The following CPM variants were observed in gnomAD, a reference collection of about 807,000 sequenced individuals.
CPM encodes the protein carboxypeptidase M.
In CPM, 35 loss-of-function variants were observed where a neutral mutation model predicts 46.4. The ratio of observed to expected loss-of-function variants is 0.75; its 90% CI spans 0.58 to 1.00. The LOEUF (loss-of-function observed/expected upper bound fraction) is 1.00, where lower values mean the gene tolerates loss of function less well. CPM is among the 50% of genes least tolerant of loss of function. The probability of loss-of-function intolerance (pLI) is 0.00; values close to 1 mark genes in which losing one functional copy is unlikely to be tolerated. For synonymous variants in CPM, 195 were observed against 195.3 expected (o/e 1.00, Z 0.01); for missense variants, 422 against 530.4 (o/e 0.80, Z 2.01).
intron 2 of CPM, among the ~76,000 whole-genome samples, chr12:68,894,574 T>C (rs540545852): frequency 6.6e-6 from 1 of 152,194 alleles, no homozygotes; most frequent in Non-Finnish European, 1.5e-5. Flanking sequence ...ATGGCTTCAT[T>C]GGATTTTCTG....
chr12:68,900,283 CAT>C (rs1465712626), intron 2 of CPM, among the ~76,000 whole-genome samples: 3 of 152,136 alleles, frequency 2.0e-5, no homozygotes, highest in African/African-American at 7.2e-5. Flanking sequence ...AAGATGTCAT[CAT>C]ATGTCACATC....
intron 2 of CPM, among the ~76,000 whole-genome samples, chr12:68,924,752 G>A (rs1888187947): frequency 1.3e-5 from 2 of 152,164 alleles, no homozygotes; most frequent in South Asian, 4.1e-4. Context: ...GGTTTTACGA[G>A]CATATTTGGG....
At chr12:68,935,726 T>C (rs1888663745), upstream of CPM, among the ~76,000 whole-genome samples, 2 of 152,130 alleles carry the variant, frequency 1.3e-5, no homozygotes, top group African/African-American at 4.8e-5. Context: ...TTGTTGTTCA[T>C]TGACTAAGAG....
intron 2 of CPM, among the ~76,000 whole-genome samples, chr12:68,893,233 T>G (rs1886731357): frequency 6.6e-6 from 1 of 151,496 alleles, no homozygotes; most frequent in African/African-American, 2.4e-5. Context: ...ATACACACCC[T>G]GTCTCTGGGA....
intron 6 of CPM, among the ~76,000 whole-genome samples, chr12:68,867,524 T>C (rs1004442226): frequency 1.2e-4 from 18 of 152,218 alleles, no homozygotes; most frequent in Non-Finnish European, 2.6e-4. Context: ...CCAGGTACCA[T>C]ATGAAGTGCT....
chr12:68,909,600 T>C (rs1476293098), intron 2 of CPM, among the ~76,000 whole-genome samples: 1 of 152,056 alleles, frequency 6.6e-6, no homozygotes, highest in Non-Finnish European at 1.5e-5. Flanking sequence ...TGTCCATCAA[T>C]GATAGACTGG....
rs1390976913 is a variant in CPM at position 68,851,535 on chromosome 12, C to CG, written c.*4901dup. On this transcript the variant is annotated 3_prime_UTR_variant, in exon 9 of 9. Coordinates refer to ENST00000551568, the MANE Select transcript of CPM (RefSeq NM_198320.5). ...CTGAGACAGGAGAATTGCTTGAACC[C>CG]GGGAGGCAGAGGTTGCAGTGAGCCG... 6.6e-6 allele frequency: 1 copy of CG among 150,790 alleles called. No homozygotes were observed. The highest frequency in any genetic ancestry group is 1.5e-5 in the Non-Finnish European group (1 of 67,956). The allele number at this position is 150,790 out of a possible 1,614,324, so 9.3% of individuals were successfully genotyped here.
At chr12:68,936,088 T>A (rs888204405), upstream of CPM, among the ~76,000 whole-genome samples, 1 of 152,160 alleles carries the variant, frequency 6.6e-6, no homozygotes, top group African/African-American at 2.4e-5. Context: ...TACAGAGGAC[T>A]GAGTGCTGAA....
At chr12:68,866,105 AG>A (rs201233079) in intron 7 of CPM, among the ~76,000 whole-genome samples, 1,586 of 152,296 alleles carry the variant, frequency 0.01, 21 homozygotes, top group South Asian at 0.026. Context: ...CGGAGGTGAG[AG>A]GGGTTGAAGG....
chr12:68,923,952 C>T (rs2644686), intron 2 of CPM, among the ~76,000 whole-genome samples: 125,485 of 151,992 alleles, frequency 0.83, 52,060 homozygotes, highest in African/African-American at 0.92. Context: ...TATTTGTATA[C>T]AAAAAAGATT....
intron 1 of CPM, among the ~76,000 whole-genome samples, chr12:68,955,158 A>C (rs2136337335): frequency 6.6e-6 from 1 of 152,304 alleles, no homozygotes; most frequent in South Asian, 2.1e-4. Context: ...CGAGCCCAGG[A>C]GGCCCGAGTA....
intron 3 of CPM, among the ~76,000 whole-genome samples, chr12:68,882,424 T>C (rs1270454566): frequency 1.3e-5 from 2 of 152,204 alleles, no homozygotes; most frequent in Non-Finnish European, 2.9e-5. Flanking sequence ...CTGCATAGTA[T>C]TCCACGATGT....
intron 1 of CPM, among the ~76,000 whole-genome samples, chr12:68,953,477 C>T (rs898366444): frequency 3.3e-5 from 5 of 152,170 alleles, no homozygotes; most frequent in Non-Finnish European, 5.9e-5. Context: ...TATTTTGTAA[C>T]ATCTTCTAAG....
chr12:68,914,514 G>A (rs886207930), intron 2 of CPM, among the ~76,000 whole-genome samples: 3 of 152,142 alleles, frequency 2.0e-5, no homozygotes, highest in African/African-American at 7.2e-5. Flanking sequence ...CATGCACACA[G>A]CTGTTACACA....
chr12:68,934,168 G>A (rs1888624761), upstream of CPM, among the ~76,000 whole-genome samples: 1 of 151,040 alleles, frequency 6.6e-6, no homozygotes, highest in Non-Finnish European at 1.5e-5. Flanking sequence ...GTAAGTAACC[G>A]TGTCAGGGTA....
chr12:68,866,945 C>A lies in CPM; in HGVS notation c.891G>T (p.Trp297Cys), dbSNP rs745831691. ...CAATTAATGAGGCTTTGTTATTATT[C>A]CAAAAGGATGGAAGCTTCTCCTCAC... ...YPREEKLPSF[W>C]NNNKASLIEY... The change falls in exon 7 of 9, where the codon TGG (tryptophan) becomes TGT (cysteine). Residue 297 changes from tryptophan (W) to cysteine (C), a missense_variant. Transcript: ENST00000551568. 3 of 1,614,014 alleles carry A rather than the reference C, an allele frequency of 1.9e-6. No homozygotes were observed. In the East Asian group the frequency reaches 6.7e-5, roughly 36 times the overall value.
intron 2 of CPM, among the ~76,000 whole-genome samples, chr12:68,894,317 G>T (rs1432288484): frequency 6.6e-6 from 1 of 152,184 alleles, no homozygotes; most frequent in African/African-American, 2.4e-5. Flanking sequence ...CGCACTGTAG[G>T]TTTCAATTAG....
chr12:68,873,126 T>C (rs536858322), intron 3 of CPM, among the ~76,000 whole-genome samples: 3 of 152,316 alleles, frequency 2.0e-5, no homozygotes, highest in South Asian at 2.1e-4. Flanking sequence ...GGTTAGTAAA[T>C]GAGAACTCAG....
In CPM at chr12:68,853,191, C is replaced by G. The variant is rs1388927500; in HGVS notation, c.*3246G>C. The G allele has an allele frequency of 6.6e-6, 1 of 152,082 alleles. No homozygotes were observed. Among genetic ancestry groups the G allele is most frequent in the Non-Finnish European group, 1.5e-5 (1 of 68,012 alleles). The allele number at this position is 152,082 out of a possible 1,614,324, so 9.4% of individuals were successfully genotyped here. A position where few individuals can be genotyped will look rare whatever the true frequency, so the allele number is the denominator to read the frequency against. ...AACTAATTCAGATTTTTGTTCGTGT[C>G]TCTTCAAAAATTGCTATCTTAGAAA... On this transcript the variant is annotated 3_prime_UTR_variant, in exon 9 of 9. Coordinates refer to ENST00000551568, the MANE Select transcript of CPM (RefSeq NM_198320.5).
Sources: allele counts gnomAD v4.1 joint callset (sites outside exome capture counted in the v4.1 genomes callset), GRCh38; gene constraint gnomAD v4.1.1; transcripts MANE v1.5; gene names NCBI Gene and HGNC (gene_info 2026-07-23, HGNC 2026-07-21).